Variants in CTNNA3 observed in about 807,000 individuals in gnomAD.
The protein encoded by CTNNA3 is catenin alpha 3, also known as catenin alpha-3.
In CTNNA3, 76 loss-of-function variants were observed where a neutral mutation model predicts 95.7. That is an observed-to-expected ratio of 0.79 (90% confidence interval 0.66 to 0.96). The LOEUF (loss-of-function observed/expected upper bound fraction) is 0.96. Among genes scored for constraint, CTNNA3 ranks in the 40% least tolerant of loss-of-function variants. The pLI is 0.00. For synonymous variants in CTNNA3, 431 were observed against 374.4 expected (o/e 1.15, Z -1.74); for missense variants, 1,191 against 1,089.8 (o/e 1.09, Z -1.31).
At chr10:65,949,029 CTG>C (rs1454193117) in intron 17 of CTNNA3, among the ~76,000 whole-genome samples, 2 of 151,914 alleles carry the variant, frequency 1.3e-5, no homozygotes, top group Admixed American at 6.6e-5. Context: ...ATTTCTGAAA[CTG>C]TTGTAATTTT....
intron 11 of CTNNA3, among the ~76,000 whole-genome samples, chr10:66,446,852 G>A (rs1394423129): frequency 4.6e-5 from 7 of 152,022 alleles, no homozygotes; most frequent in African/African-American, 1.2e-4. Context: ...AGGAAATAAA[G>A]GGTATTCAAT....
At chr10:67,475,312 G>T (rs899824607) in intron 5 of CTNNA3, among the ~76,000 whole-genome samples, 4 of 152,182 alleles carry the variant, frequency 2.6e-5, no homozygotes, top group Non-Finnish European at 5.9e-5. Context: ...GTGGGTGGTA[G>T]AACTGTTCCA....
chr10:66,209,108 T>C (rs907782946), intron 13 of CTNNA3, among the ~76,000 whole-genome samples: 4 of 152,192 alleles, frequency 2.6e-5, no homozygotes, highest in Non-Finnish European at 5.9e-5. Flanking sequence ...ATATCTAACC[T>C]GCCATTTAGA....
At chr10:67,524,799 G>A (rs1840094031) in intron 4 of CTNNA3, among the ~76,000 whole-genome samples, 2 of 152,122 alleles carry the variant, frequency 1.3e-5, no homozygotes, top group Non-Finnish European at 2.9e-5. Flanking sequence ...ACTAAAGAGT[G>A]AAAGCAATAA....
At chr10:66,668,202 T>G (rs530850351) in intron 9 of CTNNA3, among the ~76,000 whole-genome samples, 1 of 152,266 alleles carries the variant, frequency 6.6e-6, no homozygotes, top group East Asian at 1.9e-4. Flanking sequence ...ATAGCGTTTT[T>G]GCTAAGTAAT....
intron 7 of CTNNA3, among the ~76,000 whole-genome samples, chr10:67,149,780 T>G (rs1225472803): frequency 6.6e-6 from 1 of 152,152 alleles, no homozygotes; most frequent in Non-Finnish European, 1.5e-5. Flanking sequence ...TGGTCCATAG[T>G]CAATATTCAA....
intron 15 of CTNNA3, among the ~76,000 whole-genome samples, chr10:65,994,285 T>G (rs1427444230): frequency 1.3e-5 from 2 of 152,312 alleles, no homozygotes; most frequent in African/African-American, 4.8e-5. Context: ...CTTTGCACTT[T>G]CAGATATAAG....
At chr10:66,472,764 C>G (rs1204518149) in intron 11 of CTNNA3, among the ~76,000 whole-genome samples, 1 of 151,844 alleles carries the variant, frequency 6.6e-6, no homozygotes, top group Non-Finnish European at 1.5e-5. Flanking sequence ...TATGCAAGTT[C>G]CTGCTGGTAG....
At chr10:66,620,619 A>T (rs955130090) in intron 10 of CTNNA3, among the ~76,000 whole-genome samples, 6 of 152,238 alleles carry the variant, frequency 3.9e-5, no homozygotes, top group East Asian at 1.9e-4. Flanking sequence ...TACTTTAGAG[A>T]CCTCATTGCA....
chr10:66,945,748 C>T (rs1848239070), intron 7 of CTNNA3, among the ~76,000 whole-genome samples: 1 of 152,116 alleles, frequency 6.6e-6, no homozygotes, highest in Non-Finnish European at 1.5e-5. Context: ...ATAAATGTGA[C>T]TCTCTTTTAC....
chr10:67,034,888 T>C (rs1335630406), intron 7 of CTNNA3, among the ~76,000 whole-genome samples: 1 of 152,242 alleles, frequency 6.6e-6, no homozygotes, highest in Non-Finnish European at 1.5e-5. Flanking sequence ...GCTTACCATT[T>C]GATCATGTTG....
At chr10:66,146,565 TG>T (rs1196113205) in intron 13 of CTNNA3, among the ~76,000 whole-genome samples, 4 of 152,072 alleles carry the variant, frequency 2.6e-5, no homozygotes, top group African/African-American at 4.8e-5. Flanking sequence ...TTTGGTTGGT[TG>T]GTTTTTTGAG....
intron 13 of CTNNA3, among the ~76,000 whole-genome samples, chr10:66,192,171 C>T (rs2086708812): frequency 6.6e-6 from 1 of 152,050 alleles, no homozygotes; most frequent in African/African-American, 2.4e-5. Context: ...AGTAAAAACC[C>T]CAGAGTGGTA....
chr10:66,509,430 T>C (rs1471123798), intron 11 of CTNNA3, among the ~76,000 whole-genome samples: 1 of 152,080 alleles, frequency 6.6e-6, no homozygotes, highest in Admixed American at 6.6e-5. Flanking sequence ...GTCTTAACCA[T>C]AAAGTCTTTG....
intron 15 of CTNNA3, among the ~76,000 whole-genome samples, chr10:65,998,381 G>GA (rs60086541): frequency 2.7e-5 from 4 of 150,720 alleles, no homozygotes; most frequent in East Asian, 3.9e-4. Context: ...TCCCTTTTTT[G>GA]AAAAAAAATA....
intron 5 of CTNNA3, among the ~76,000 whole-genome samples, chr10:67,328,666 T>A (rs1290096151): frequency 6.6e-6 from 1 of 152,188 alleles, no homozygotes; most frequent in African/African-American, 2.4e-5. Flanking sequence ...TGTAGCCCCA[T>A]GTAGCGTTTC....
intron 7 of CTNNA3, among the ~76,000 whole-genome samples, chr10:66,910,509 GA>G (rs901152760): frequency 1.4e-3 from 216 of 151,730 alleles, no homozygotes; most frequent in African/African-American, 5.1e-3. Flanking sequence ...AGATGGCATG[GA>G]AAAAAAATCA....
intron 9 of CTNNA3, among the ~76,000 whole-genome samples, chr10:66,713,391 T>C (rs149383568): frequency 1.6e-3 from 236 of 152,210 alleles, no homozygotes; most frequent in Admixed American, 2.4e-3. Flanking sequence ...ATTTAGCAGA[T>C]TGGTATTTTA....
intron 11 of CTNNA3, among the ~76,000 whole-genome samples, chr10:66,379,952 A>T (rs2092824293): frequency 6.6e-6 from 1 of 152,220 alleles, no homozygotes; most frequent in South Asian, 2.1e-4. Flanking sequence ...ATGAAGATGC[A>T]CAAATATGTG....
Sources: gnomAD v4.1 joint callset for allele counts (sites outside exome capture counted in the v4.1 genomes callset) on GRCh38, gnomAD v4.1.1 for gene constraint, MANE v1.5 for transcripts, NCBI Gene and HGNC (gene_info 2026-07-23, HGNC 2026-07-21) for gene names.